The following DIAPH2 variants were observed in gnomAD, a reference collection of about 807,000 sequenced individuals.
The protein encoded by DIAPH2 is diaphanous related formin 2, also known as protein diaphanous homolog 2.
A neutral mutation model predicts 92.7 loss-of-function variants in DIAPH2; 35 were observed. That is an observed-to-expected ratio of 0.38 (90% CI 0.29 to 0.50). The LOEUF (loss-of-function observed/expected upper bound fraction) is 0.50, where lower values mean the gene tolerates loss of function less well. Ranked by LOEUF, DIAPH2 falls within the 20% of genes least tolerant of loss-of-function variation. The pLI is 0.94. For missense variants in DIAPH2, 701 were observed against 819.5 expected (o/e 0.86, Z 1.77); for synonymous variants, 301 against 280.4 (o/e 1.07, Z -0.73).
intron 15 of DIAPH2, among the ~76,000 whole-genome samples, chrX:96,955,626 C>T (rs1173585399): frequency 8.9e-6 from 1 of 111,847 alleles, no homozygotes; most frequent in Non-Finnish European, 1.9e-5. Flanking sequence ...GGGATACAGG[C>T]ATTGGGTAAA....
intron 17 of DIAPH2, among the ~76,000 whole-genome samples, chrX:96,992,361 A>G (rs1261150859): frequency 1.8e-5 from 2 of 111,795 alleles, no homozygotes; most frequent in African/African-American, 6.5e-5. Flanking sequence ...GCACATAACA[A>G]AAGAAGATTT....
chrX:97,329,891 GACACACAC>G (rs201851023), intron 23 of DIAPH2, among the ~76,000 whole-genome samples: 4,468 of 79,358 alleles, frequency 0.056, 178 homozygotes, highest in African/African-American at 0.11. Flanking sequence ...TGCATTCTTA[GACACACAC>G]ACACACACAC....
chrX:97,543,591 A>C (rs1044419311), intron 26 of DIAPH2, among the ~76,000 whole-genome samples: 1 of 109,841 alleles, frequency 9.1e-6, no homozygotes, highest in Non-Finnish European at 1.9e-5. Flanking sequence ...TGCAACCTCC[A>C]CCTCCCAGGT....
chrX:97,590,744 G>A (rs1274144512), intron 26 of DIAPH2, among the ~76,000 whole-genome samples: 2 of 111,435 alleles, frequency 1.8e-5, no homozygotes, highest in African/African-American at 6.5e-5. Flanking sequence ...TGCCTTCATC[G>A]GCTTTTCTAC....
intron 26 of DIAPH2, among the ~76,000 whole-genome samples, chrX:97,550,558 A>T (rs148988322): frequency 1.8e-5 from 2 of 110,804 alleles, no homozygotes; most frequent in East Asian, 5.7e-4. Flanking sequence ...ACTGCCATGC[A>T]TATGACAAAG....
chrX:96,751,912 C>G, intron 3 of DIAPH2, among the ~76,000 whole-genome samples: 1 of 97,911 alleles, frequency 1.0e-5, no homozygotes, highest in Non-Finnish European at 2.2e-5. Flanking sequence ...CTCGGCCTCC[C>G]AAAGTGCTGG....
chrX:96,996,393 C>T (rs1440965337), intron 17 of DIAPH2, among the ~76,000 whole-genome samples: 2 of 111,637 alleles, frequency 1.8e-5, no homozygotes, highest in African/African-American at 6.5e-5. Flanking sequence ...TGTAAAATGT[C>T]AGAATTGCCA....
rs780653047 is a variant in DIAPH2, at chrX:97,271,813, G to GCACACACA, written c.2844+24001_2844+24008dup. On this transcript the variant is annotated intron_variant, in intron 23 of 26. Transcript: ENST00000324765. ...GAGATTGCAATGACTATATATATATGCACACACACACACACACACACACAC... is the reference window on the plus strand; with the variant it reads ...GAGATTGCAATGACTATATATATATGCACACACACACACACACACACACACACACACAC... Among the ~76,000 whole-genome samples, 871 of 91,519 alleles carry GCACACACA rather than the reference G, an allele frequency of 9.5e-3. 7 individuals are homozygous for GCACACACA. Among genetic ancestry groups the GCACACACA allele is most frequent in the African/African-American group, 0.012 (297 of 25,161 alleles). The allele number at this position is 91,519 out of a possible 115,157, so 79.5% of individuals were successfully genotyped here. A position where few individuals can be genotyped will look rare whatever the true frequency, so the allele number is the denominator to read the frequency against.
chrX:97,043,563 T>C (rs899918687), intron 17 of DIAPH2, among the ~76,000 whole-genome samples: 2 of 110,971 alleles, frequency 1.8e-5, no homozygotes, highest in African/African-American at 6.5e-5. Context: ...ATAATTTTAA[T>C]GGTACATTGC....
At chrX:96,777,872 G>A (rs907306302) in intron 4 of DIAPH2, among the ~76,000 whole-genome samples, 1 of 110,778 alleles carries the variant, frequency 9.0e-6, no homozygotes, top group Non-Finnish European at 1.9e-5. Flanking sequence ...TACCCATTTT[G>A]TCCTTTTTTA....
In DIAPH2 at chrX:96,946,140, G is replaced by A. The variant is rs770815724; in HGVS notation, c.1509+549G>A. Among the ~76,000 whole-genome samples the A allele has an allele frequency of 4.5e-5, 5 of 111,531 alleles. No individual in the cohort carries two copies. In the South Asian group the frequency reaches 1.9e-3, roughly 42 times the overall value. On this transcript the variant is annotated intron_variant, in intron 14 of 26. Transcript: ENST00000324765. Reference sequence around the variant, plus strand: ...TCATGTAGGCCTGGTGGAATTTGAGGATCCCTTTTCTTTCTGTGTTAATGT... The same window carrying A: ...TCATGTAGGCCTGGTGGAATTTGAGAATCCCTTTTCTTTCTGTGTTAATGT...
chrX:96,842,897 C>G lies in DIAPH2; in HGVS notation c.448-38682C>G, dbSNP rs17281836. Among the ~76,000 whole-genome samples the G allele has an allele frequency of 6.4e-3, 715 of 111,777 alleles. 24 individuals are homozygous for G. In the East Asian group the frequency reaches 0.11, roughly 17 times the overall value. The stretch of plus-strand genomic sequence containing the variant: ...CATTTCCATCTGATAGCCTTTACTT[C>G]CTTTTCCCAAGGTGCACTAGTTTAG... On this transcript the variant is annotated intron_variant, in intron 4 of 26. Coordinates refer to ENST00000324765, the MANE Select transcript of DIAPH2 (RefSeq NM_006729.5).
chrX:96,977,855 T>G (rs1395395417), intron 17 of DIAPH2, among the ~76,000 whole-genome samples: 2 of 111,468 alleles, frequency 1.8e-5, no homozygotes, highest in Non-Finnish European at 3.8e-5. Context: ...GGCTAATTTT[T>G]GTATTTTTAG....
At chrX:97,417,954 A>G (rs1041137688) in intron 25 of DIAPH2, among the ~76,000 whole-genome samples, 1 of 111,705 alleles carries the variant, frequency 9.0e-6, no homozygotes, top group African/African-American at 3.3e-5. Flanking sequence ...TTACTTGTAA[A>G]CAAGTACCAG....
chrX:97,453,233 T>C (rs2070373687), intron 26 of DIAPH2, among the ~76,000 whole-genome samples: 1 of 111,437 alleles, frequency 9.0e-6, no homozygotes, highest in African/African-American at 3.3e-5. Flanking sequence ...TTGTATATTA[T>C]TTGAACGTAA....
At chrX:97,589,717 G>A (rs779287895) in intron 26 of DIAPH2, among the ~76,000 whole-genome samples, 1 of 112,407 alleles carries the variant, frequency 8.9e-6, no homozygotes, top group South Asian at 3.7e-4. Context: ...AGATGTAAAT[G>A]TCAGGAATGA....
At chrX:97,363,522 G>A (rs924377312) in intron 24 of DIAPH2, among the ~76,000 whole-genome samples, 19 of 106,979 alleles carry the variant, frequency 1.8e-4, no homozygotes, top group Middle Eastern at 4.7e-3. Context: ...AAAAATTAGC[G>A]TGGCATTGTG....
intron 26 of DIAPH2, among the ~76,000 whole-genome samples, chrX:97,439,983 C>T (rs1052520164): frequency 1.8e-5 from 2 of 110,768 alleles, no homozygotes; most frequent in African/African-American, 6.6e-5. Context: ...TGATAAACAT[C>T]CAGGTGATAG....
intron 17 of DIAPH2, among the ~76,000 whole-genome samples, chrX:97,045,378 G>A (rs1057213329): frequency 4.5e-5 from 5 of 111,830 alleles, no homozygotes; most frequent in Admixed American, 9.5e-5. Flanking sequence ...ACTAGTTAGA[G>A]TTGGAGTCTA....
Sources: allele counts gnomAD v4.1 joint callset (sites outside exome capture counted in the v4.1 genomes callset), GRCh38; gene constraint gnomAD v4.1.1; transcripts MANE v1.5; gene names NCBI Gene and HGNC (gene_info 2026-07-23, HGNC 2026-07-21).